The following VTI1A variants were observed in gnomAD, a reference collection of about 807,000 sequenced individuals.
VTI1A encodes the protein vesicle transport through interaction with t-SNAREs 1A.
In VTI1A, 22 loss-of-function variants were observed where a neutral mutation model predicts 34.9. The observed-to-expected ratio is 0.63, with a 90% CI of 0.45 to 0.90. The LOEUF (loss-of-function observed/expected upper bound fraction) is 0.90, where lower values mean the gene tolerates loss of function less well. Among genes scored for constraint, VTI1A ranks in the 40% least tolerant of loss-of-function variants. VTI1A has a pLI of 0.00. For missense variants in VTI1A, 268 were observed against 275.6 expected (o/e 0.97, Z 0.20); for synonymous variants, 87 against 97.3 (o/e 0.89, Z 0.62).
chr10:112,842,029 GTTCTT>G, the VTI1A span, among the ~76,000 whole-genome samples: 2 of 98,538 alleles, frequency 2.0e-5, no homozygotes, highest in Admixed American at 1.1e-4. Flanking sequence ...GAAACAAGGA[GTTCTT>G]TTCTTTTTTT....
chr10:112,520,672 TAA>T (rs919165012), intron 3 of VTI1A, among the ~76,000 whole-genome samples: 1 of 143,994 alleles, frequency 6.9e-6, no homozygotes, highest in Non-Finnish European at 1.5e-5. Flanking sequence ...TATATATATA[TAA>T]AACCTCATGA....
intron 5 of VTI1A, among the ~76,000 whole-genome samples, chr10:112,651,656 A>G (rs1253262517): frequency 6.6e-6 from 1 of 152,188 alleles, no homozygotes; most frequent in Non-Finnish European, 1.5e-5. Flanking sequence ...TTTTAGCTGA[A>G]ACTGATGTCC....
In VTI1A at chr10:112,647,950, G is replaced by C. The variant is rs548976358; in HGVS notation, c.428-20268G>C. ...GCACCCAGCTAATTTTTCTATTTTT[G>C]GTAGAGACCAAGTTTTGCCATGTTG... On this transcript the variant is annotated intron_variant, in intron 5 of 7. Coordinates refer to ENST00000393077, the MANE Select transcript of VTI1A (RefSeq NM_145206.4). Among the ~76,000 whole-genome samples, 165 of 151,982 alleles carry C rather than the reference G, an allele frequency of 1.1e-3. 2 individuals are homozygous for C. Among genetic ancestry groups the C allele is most frequent in the African/African-American group, 3.8e-3 (157 of 41,482 alleles).
intron 4 of VTI1A, among the ~76,000 whole-genome samples, chr10:112,536,588 A>AT (rs968764820): frequency 1.3e-3 from 190 of 148,562 alleles, no homozygotes; most frequent in Admixed American, 4.0e-3. Flanking sequence ...TTATATTTAT[A>AT]TTTTTTTTTT....
At chr10:112,489,921 G>A (rs1316393893) in intron 3 of VTI1A, among the ~76,000 whole-genome samples, 1 of 152,190 alleles carries the variant, frequency 6.6e-6, no homozygotes, top group East Asian at 1.9e-4. Flanking sequence ...TATTGGAAGA[G>A]TTCCCACTAC....
chr10:112,472,391 G>A (rs1466222465), intron 3 of VTI1A, among the ~76,000 whole-genome samples: 3 of 152,116 alleles, frequency 2.0e-5, no homozygotes, highest in East Asian at 3.8e-4. Flanking sequence ...GCAGACTATC[G>A]GAGTTGGTCC....
chr10:112,540,130 C>CT (rs1259836871), intron 5 of VTI1A, among the ~76,000 whole-genome samples: 1 of 151,954 alleles, frequency 6.6e-6, no homozygotes, highest in Non-Finnish European at 1.5e-5. Context: ...ACTTGTGTGT[C>CT]TTTTTTTTCT....
At chr10:112,715,298 A>T (rs1217311491) in intron 7 of VTI1A, among the ~76,000 whole-genome samples, 1 of 152,198 alleles carries the variant, frequency 6.6e-6, no homozygotes, top group East Asian at 1.9e-4. Flanking sequence ...TAAACACTGA[A>T]AAAGGGATGG....
chr10:112,623,381 G>A (rs1589986600), intron 5 of VTI1A, among the ~76,000 whole-genome samples: 3 of 151,222 alleles, frequency 2.0e-5, no homozygotes, highest in East Asian at 1.9e-4. Flanking sequence ...GGGCATGTGT[G>A]TATGTATATA....
chr10:112,832,150 G>C, the VTI1A span: 1 of 152,400 alleles, frequency 6.6e-6, no homozygotes, highest in South Asian at 2.1e-4. Context: ...TGCCCGCCGA[G>C]TCTGCGGCAG....
In VTI1A at chr10:112,806,763, T is replaced by C. The variant is rs575858718; in HGVS notation, c.561-8527T>C. On this transcript the variant is annotated intron_variant, in intron 7 of 7. Coordinates refer to ENST00000393077, the MANE Select transcript of VTI1A (RefSeq NM_145206.4). The stretch of plus-strand genomic sequence containing the variant: ...CACACCTGCCTAATTTTTTTTAATT[T>C]TTCACAGAGATGAGGGTCTCTCTAT... 2.6e-5 allele frequency among the ~76,000 whole-genome samples: 4 copies of C among 151,778 alleles called. No individual in the cohort carries two copies. The South Asian group carries it at 8.3e-4, about 32-fold the overall frequency.
At chr10:112,655,251 C>T (rs930315654) in intron 5 of VTI1A, among the ~76,000 whole-genome samples, 71 of 152,144 alleles carry the variant, frequency 4.7e-4, no homozygotes, top group African/African-American at 1.6e-3. Flanking sequence ...TCCACTTCCA[C>T]AGAAAAGATT....
chr10:112,499,224 C>T (rs1849136987), intron 3 of VTI1A, among the ~76,000 whole-genome samples: 1 of 152,156 alleles, frequency 6.6e-6, no homozygotes, highest in South Asian at 2.1e-4. Flanking sequence ...TAAAGTCACA[C>T]GTGACCCCTG....
At chr10:112,563,942 A>G (rs1489778958) in intron 5 of VTI1A, among the ~76,000 whole-genome samples, 1 of 152,144 alleles carries the variant, frequency 6.6e-6, no homozygotes, top group Admixed American at 6.6e-5. Context: ...CAAATTTAAT[A>G]TTTTAGCTTT....
At chr10:112,668,434 G>A (rs527866693) in intron 6 of VTI1A, 146 bp downstream of exon 6, 3 of 825,918 alleles carry the variant, frequency 3.6e-6, no homozygotes, top group South Asian at 3.9e-5. Context: ...AAAAGGAAGA[G>A]GGTGAGATGG....
chr10:112,818,640 T>C lies in VTI1A; in HGVS notation c.*3257T>C, dbSNP rs967822656. 3.1e-5 allele frequency: 6 copies of C among 193,600 alleles called. No individual in the cohort carries two copies. Among genetic ancestry groups the C allele is most frequent in the Non-Finnish European group, 5.4e-5 (5 of 93,214 alleles). The allele number at this position is 193,600 out of a possible 1,614,324, so 12.0% of individuals were successfully genotyped here. A position where few individuals can be genotyped will look rare whatever the true frequency, so the allele number is the denominator to read the frequency against. On this transcript the variant is annotated 3_prime_UTR_variant, in exon 8 of 8. Transcript: ENST00000393077. ...AACTTGACAAGGAAATAATTGCGCA[T>C]TGCCAGCAACTTGGCGCCTGTTTAG...
intron 7 of VTI1A, among the ~76,000 whole-genome samples, chr10:112,694,103 G>C (rs1415576209): frequency 6.6e-6 from 1 of 152,166 alleles, no homozygotes; most frequent in African/African-American, 2.4e-5. Flanking sequence ...CTACTCGGGA[G>C]GCTGAGGCAG....
At chr10:112,481,189 A>G (rs1458442821) in intron 3 of VTI1A, among the ~76,000 whole-genome samples, 1 of 152,190 alleles carries the variant, frequency 6.6e-6, no homozygotes, top group African/African-American at 2.4e-5. Context: ...TTTTAAATAA[A>G]AAATTTAAAG....
chr10:112,737,173 C>T (rs950819140), intron 7 of VTI1A: 2 of 350,950 alleles, frequency 5.7e-6, no homozygotes, highest in Non-Finnish European at 4.4e-6. Context: ...CAGGTCCAAG[C>T]GATTCTCTTG....
Sources: gnomAD v4.1 joint callset for allele counts (sites outside exome capture counted in the v4.1 genomes callset) on GRCh38, gnomAD v4.1.1 for gene constraint, MANE v1.5 for transcripts, NCBI Gene and HGNC (gene_info 2026-07-23, HGNC 2026-07-21) for gene names.